Variants in SLC9A7 observed in about 807,000 individuals in gnomAD.
SLC9A7 encodes the protein sodium/hydrogen exchanger 7.
SLC9A7 carries 19 observed loss-of-function variants against 52.6 expected under a neutral mutation model. That is an observed-to-expected ratio of 0.36 (90% CI 0.25 to 0.53). The LOEUF (loss-of-function observed/expected upper bound fraction) is 0.53. Among genes scored for constraint, SLC9A7 ranks in the 20% least tolerant of loss-of-function variants. SLC9A7 has a pLI of 0.91. For missense variants in SLC9A7, 455 were observed against 597.9 expected, an observed-to-expected ratio of 0.76 and a Z score of 2.49; for synonymous variants, 226 against 252.1, an observed-to-expected ratio of 0.90 and a Z score of 0.98.
chrX:46,685,224 A>G (rs929870197), intron 1 of SLC9A7: 2 of 111,804 alleles, frequency 1.8e-5, no homozygotes, highest in African/African-American at 6.5e-5. Context: ...GCTTCAGTCT[A>G]CTGCATCTGT....
rs1942668096 is a variant in SLC9A7 at position 46,602,061 on chromosome X, A to C, written c.*4891T>G. The C allele has an allele frequency of 9.0e-6, 1 of 110,639 alleles. No homozygotes were observed. Among genetic ancestry groups the C allele is most frequent in the Admixed American group, 9.6e-5 (1 of 10,400 alleles). 9.1% of individuals were successfully genotyped at this position (110,639 alleles called of 1,213,427 possible). Reference sequence around the variant, plus strand: ...AATTCCAGGTGAAATTAAAAAAAAAAAACAAAACAGCTTCCCAGAAACCTT... The same window carrying C: ...AATTCCAGGTGAAATTAAAAAAAAACAACAAAACAGCTTCCCAGAAACCTT... On this transcript the variant is annotated 3_prime_UTR_variant, in exon 17 of 17. Transcript: ENST00000616978.
intron 1 of SLC9A7, among the ~76,000 whole-genome samples, chrX:46,723,099 T>TG (rs1944885215): frequency 9.1e-6 from 1 of 110,040 alleles, no homozygotes; most frequent in Non-Finnish European, 1.9e-5. Context: ...AAGCTACAGT[T>TG]GATCTCCCCA....
chrX:46,708,145 A>G (rs1308954405), intron 1 of SLC9A7, among the ~76,000 whole-genome samples: 1 of 112,509 alleles, frequency 8.9e-6, no homozygotes, highest in Non-Finnish European at 1.9e-5. Context: ...CCCTGTCTCA[A>G]AAATTTTTTT....
chrX:46,655,275 A>G (rs1290803001), intron 7 of SLC9A7, among the ~76,000 whole-genome samples: 2 of 111,372 alleles, frequency 1.8e-5, no homozygotes, highest in Non-Finnish European at 3.8e-5. Flanking sequence ...GTGAGCCACC[A>G]CGCCCAGCAC....
In SLC9A7 at chrX:46,605,843, C is replaced by T. The variant is rs1942734677; in HGVS notation, c.*1109G>A. ...AGTGATTATTTCCCTAGGCTGTCAG[C>T]TCATATGGTAGCCCTCAAAAGTTGA... On this transcript the variant is annotated 3_prime_UTR_variant, in exon 17 of 17. Transcript: ENST00000616978. 8.9e-6 allele frequency: 1 copy of T among 111,735 alleles called. No homozygotes were observed. The allele number at this position is 111,735 out of a possible 1,213,427, so 9.2% of individuals were successfully genotyped here.
intron 1 of SLC9A7, among the ~76,000 whole-genome samples, chrX:46,724,410 G>C (rs1944911369): frequency 1.8e-5 from 2 of 112,095 alleles, no homozygotes; most frequent in Admixed American, 1.9e-4. Flanking sequence ...TTCTGGAGTG[G>C]AGTTATAGGC....
At chrX:46,704,884 C>T (rs917507423) in intron 1 of SLC9A7, among the ~76,000 whole-genome samples, 5 of 111,397 alleles carry the variant, frequency 4.5e-5, no homozygotes, top group African/African-American at 1.6e-4. Context: ...CAACACACTA[C>T]TGACAATAAA....
intron 1 of SLC9A7, among the ~76,000 whole-genome samples, chrX:46,735,955 T>A (rs1187785853): frequency 8.9e-6 from 1 of 111,734 alleles, no homozygotes; most frequent in Non-Finnish European, 1.9e-5. Flanking sequence ...AAATGTGATA[T>A]GCCTGGGTAT....
Position 46,652,105 on chromosome X carries a change from T to C in SLC9A7, c.1148-701A>G, listed in dbSNP as rs369491367. 3.6e-5 allele frequency among the ~76,000 whole-genome samples: 4 copies of C among 111,556 alleles called. No individual in the cohort carries two copies. The East Asian group carries it at 8.4e-4, about 23-fold the overall frequency. On this transcript the variant is annotated intron_variant, in intron 8 of 16. Transcript: ENST00000616978. ...CAAATTTTTGCCATATTCCTCACTG[T>C]TTTTAGAATGAATGAACTGAATTTC... is the stretch of plus-strand genomic sequence containing the variant.
At position 46,758,745 on chromosome X, in the gene SLC9A7, C is replaced by T; in HGVS notation, c.285G>A (p.Arg95=). Residue 95 remains arginine, a synonymous_variant, in exon 1 of 17, where the codon CGG becomes CGA. Transcript: ENST00000616978. ...ILTIWLFKHR[R]VRFLHETGLA... is the part of the protein sequence containing the mutation. ...GCCCGGTCTCGTGCAGAAAGCGCAC[C>T]CGGCGGTGCTTGAAGAGCCAGATGG... The T allele has an allele frequency of 8.3e-7, 1 of 1,198,051 alleles. No homozygotes were observed.
intron 7 of SLC9A7, among the ~76,000 whole-genome samples, chrX:46,661,810 T>C (rs1369953695): frequency 9.0e-6 from 1 of 111,521 alleles, no homozygotes; most frequent in African/African-American, 3.3e-5. Context: ...AAGTCTAGGG[T>C]TGCATTCCTA....
chrX:46,654,188 A>G (rs6611284), intron 7 of SLC9A7, among the ~76,000 whole-genome samples: 5,035 of 110,695 alleles, frequency 0.045, 242 homozygotes, highest in South Asian at 0.16. Flanking sequence ...TCAGGAGTTC[A>G]AAACTAGTTT....
At chrX:46,664,108 C>A (rs1459791853) in intron 5 of SLC9A7, among the ~76,000 whole-genome samples, 1 of 111,619 alleles carries the variant, frequency 9.0e-6, no homozygotes, top group Non-Finnish European at 1.9e-5. Flanking sequence ...GATACATGCA[C>A]GAGAGCTGTG....
At chrX:46,627,804 AGCAACTGGAGGAAAG>A (rs1943157689) in intron 14 of SLC9A7, among the ~76,000 whole-genome samples, 1 of 109,142 alleles carries the variant, frequency 9.2e-6, no homozygotes, top group African/African-American at 3.3e-5. Context: ...GTCACAGAGT[AGCAACTGGAGGAAAG>A]GCACCTCTGC....
At position 46,599,482 on chromosome X, in the gene SLC9A7, G is replaced by GTTGT. The variant is rs1237149713; in HGVS notation, c.*7466_*7469dup. The GTTGT allele has an allele frequency of 1.8e-5, 2 of 112,060 alleles. No individual in the cohort carries two copies. Among genetic ancestry groups the GTTGT allele is most frequent in the South Asian group, 3.7e-4 (1 of 2,697 alleles). 9.2% of individuals were successfully genotyped at this position (112,060 alleles called of 1,213,427 possible). A position where few individuals can be genotyped will look rare whatever the true frequency, so the allele number is the denominator to read the frequency against. Reference sequence around the variant, plus strand: ...AAAACAAAATTAGCTCAGCCAGTTAGTTGTTTTATTTTGAGTTTTGTTTTT... The same window carrying GTTGT: ...AAAACAAAATTAGCTCAGCCAGTTAGTTGTTTGTTTTATTTTGAGTTTTGTTTTT... On this transcript the variant is annotated 3_prime_UTR_variant, in exon 17 of 17. Coordinates refer to ENST00000616978, the MANE Select transcript of SLC9A7 (RefSeq NM_001257291.2).
chrX:46,678,521 C>T (rs1333770746), intron 3 of SLC9A7, among the ~76,000 whole-genome samples: 1 of 107,730 alleles, frequency 9.3e-6, no homozygotes, highest in Non-Finnish European at 1.9e-5. Context: ...ACTGCGGCCT[C>T]AAACTCCTAG....
chrX:46,616,325 A>G (rs1244593587), intron 15 of SLC9A7, among the ~76,000 whole-genome samples: 90 of 107,472 alleles, frequency 8.4e-4, no homozygotes, highest in Non-Finnish European at 1.3e-3. Context: ...AAAAAAAAAA[A>G]AAACCCACCC....
chrX:46,673,365 C>T (rs2146847176), intron 3 of SLC9A7, among the ~76,000 whole-genome samples: 1 of 111,004 alleles, frequency 9.0e-6, no homozygotes, highest in South Asian at 3.8e-4. Context: ...AACACACACA[C>T]ACACACACAC....
chrX:46,676,390 C>T (rs1030127696), intron 3 of SLC9A7, among the ~76,000 whole-genome samples: 1 of 112,009 alleles, frequency 8.9e-6, no homozygotes, highest in Non-Finnish European at 1.9e-5. Flanking sequence ...TGTGTTGTTA[C>T]TGTAGTGTGA....
Sources: allele counts gnomAD v4.1 joint callset (sites outside exome capture counted in the v4.1 genomes callset), GRCh38; gene constraint gnomAD v4.1.1; transcripts MANE v1.5; gene names NCBI Gene and HGNC (gene_info 2026-07-23, HGNC 2026-07-21).